Variants in SCN2A observed in about 807,000 individuals in gnomAD.
The protein encoded by SCN2A is sodium channel protein type 2 subunit alpha.
In SCN2A, 20 loss-of-function variants were observed where a neutral mutation model predicts 188.7. The observed-to-expected ratio is 0.11, with a 90% CI of 0.07 to 0.15. SCN2A has a LOEUF of 0.15. Among genes scored for constraint, SCN2A ranks in the 10% least tolerant of loss-of-function variants. The probability of loss-of-function intolerance (pLI) is 1.00; values close to 1 mark genes in which losing one functional copy is unlikely to be tolerated. For missense variants in SCN2A, 1,278 were observed against 2,445.0 expected, an observed-to-expected ratio of 0.52 and a Z score of 10.07; for synonymous variants, 804 against 833.1, an observed-to-expected ratio of 0.97 and a Z score of 0.60.
chr2:165,256,000 C>CTTTTCT (rs1381186264), intron 1 of SCN2A, among the ~76,000 whole-genome samples: 4 of 88,446 alleles, frequency 4.5e-5, no homozygotes, highest in African/African-American at 1.5e-4. Flanking sequence ...GGGCTCTTTT[C>CTTTTCT]TTTTTTTTTT....
intron 20 of SCN2A, 175 bp from the exon 21 acceptor site, chr2:165,373,050 C>T (rs1188174573): frequency 3.5e-5 from 22 of 627,892 alleles, no homozygotes; most frequent in South Asian, 1.5e-4. Flanking sequence ...AATTCTTAGG[C>T]CTTTCCCCAA....
intron 25 of SCN2A, 127 bp downstream of exon 25, chr2:165,381,324 T>C (rs941095288): frequency 2.6e-5 from 17 of 644,414 alleles, no homozygotes; most frequent in Middle Eastern, 2.6e-4. Flanking sequence ...ACAATGGGAC[T>C]AGCTAGCCTA....
At chr2:165,384,498 C>G (rs1380846526) in intron 25 of SCN2A, among the ~76,000 whole-genome samples, 1 of 152,002 alleles carries the variant, frequency 6.6e-6, no homozygotes, top group African/African-American at 2.4e-5. Flanking sequence ...TTGGACAACT[C>G]TATGAACAGG....
At chr2:165,290,291 A>T (rs1056046188) in intron 1 of SCN2A, among the ~76,000 whole-genome samples, 2 of 152,144 alleles carry the variant, frequency 1.3e-5, no homozygotes, top group African/African-American at 4.8e-5. Flanking sequence ...CTACAGTGCT[A>T]TAGAAGCTAT....
intron 1 of SCN2A, among the ~76,000 whole-genome samples, chr2:165,276,268 GA>G (rs61197555): frequency 6.7e-6 from 1 of 148,562 alleles, no homozygotes; most frequent in African/African-American, 2.5e-5. Context: ...AAATACTTAG[GA>G]AAAAAAAAAG....
intron 16 of SCN2A, among the ~76,000 whole-genome samples, chr2:165,348,657 G>A (rs1699732655): frequency 6.6e-6 from 1 of 152,168 alleles, no homozygotes; most frequent in African/African-American, 2.4e-5. Context: ...AGTTAGCTGG[G>A]TGGTTCTGGT....
chr2:165,368,575 C>A (rs1412724014), intron 19 of SCN2A, among the ~76,000 whole-genome samples: 2 of 152,110 alleles, frequency 1.3e-5, no homozygotes, highest in African/African-American at 2.4e-5. Flanking sequence ...CTATTGCCAA[C>A]CACAGTGAAT....
intron 20 of SCN2A, 77 bp downstream of exon 20, chr2:165,370,376 A>G: frequency 1.4e-6 from 2 of 1,401,636 alleles, no homozygotes; most frequent in South Asian, 2.3e-5. Context: ...GACACAGTGT[A>G]GGCACTCAGT....
At chr2:165,332,184 C>A (rs10187103) in intron 14 of SCN2A, among the ~76,000 whole-genome samples, 3 of 151,286 alleles carry the variant, frequency 2.0e-5, no homozygotes, top group Non-Finnish European at 3.0e-5. Flanking sequence ...AAGAAAATCA[C>A]GCAAAAAAGT....
intron 14 of SCN2A, among the ~76,000 whole-genome samples, chr2:165,334,848 G>A (rs1254824712): frequency 6.6e-6 from 1 of 150,894 alleles, no homozygotes; most frequent in Non-Finnish European, 1.5e-5. Flanking sequence ...ACATAATCTT[G>A]TATTTAGAAA....
chr2:165,293,081 G>A (rs539390181), intron 1 of SCN2A, among the ~76,000 whole-genome samples: 1 of 152,310 alleles, frequency 6.6e-6, no homozygotes, highest in South Asian at 2.1e-4. Context: ...TAACTTGTGT[G>A]GCACAGGCCA....
chr2:165,314,753 T>TTA (rs1697640479), intron 10 of SCN2A, among the ~76,000 whole-genome samples: 1 of 152,220 alleles, frequency 6.6e-6, no homozygotes. Context: ...TTATATTTGC[T>TTA]TGACTTAATG....
chr2:165,358,588 C>G (rs1441330084), intron 17 of SCN2A, among the ~76,000 whole-genome samples: 1 of 151,790 alleles, frequency 6.6e-6, no homozygotes, highest in Non-Finnish European at 1.5e-5. Context: ...TTTTGTATAC[C>G]AAATAATAAT....
intron 16 of SCN2A, among the ~76,000 whole-genome samples, chr2:165,349,361 T>G (rs1699767296): frequency 6.6e-6 from 1 of 152,184 alleles, no homozygotes; most frequent in African/African-American, 2.4e-5. Context: ...ACAGATGATT[T>G]TTTATCAGGA....
intron 25 of SCN2A, among the ~76,000 whole-genome samples, chr2:165,382,916 G>A (rs1701679951): frequency 6.6e-6 from 1 of 152,234 alleles, no homozygotes; most frequent in African/African-American, 2.4e-5. Flanking sequence ...GATATAGGAA[G>A]AAATAAATCA....
chr2:165,328,752 A>G (rs962868736), intron 13 of SCN2A, among the ~76,000 whole-genome samples: 3 of 152,182 alleles, frequency 2.0e-5, no homozygotes, highest in Non-Finnish European at 2.9e-5. Context: ...GAATAAGTGC[A>G]ATCTAGGAAG....
At chr2:165,254,199 G>A (rs770771576) in intron 1 of SCN2A, among the ~76,000 whole-genome samples, 3 of 151,556 alleles carry the variant, frequency 2.0e-5, no homozygotes, top group Non-Finnish European at 4.4e-5. Flanking sequence ...TGACTTTTAA[G>A]CATCTAGATG....
chr2:165,325,251 C>T (rs1698291080), intron 12 of SCN2A, among the ~76,000 whole-genome samples: 1 of 152,128 alleles, frequency 6.6e-6, no homozygotes, highest in Non-Finnish European at 1.5e-5. Context: ...TGGGACAAAT[C>T]GCTGAAGGCA....
intron 1 of SCN2A, among the ~76,000 whole-genome samples, chr2:165,287,158 G>A (rs1238804661): frequency 6.6e-6 from 1 of 152,192 alleles, no homozygotes; most frequent in Non-Finnish European, 1.5e-5. Context: ...AAAAGGCCAA[G>A]CAGGCAACTT....
Sources: gnomAD v4.1 joint callset for allele counts (sites outside exome capture counted in the v4.1 genomes callset) on GRCh38, gnomAD v4.1.1 for gene constraint, MANE v1.5 for transcripts, NCBI Gene and HGNC (gene_info 2026-07-23, HGNC 2026-07-21) for gene names.